Variants in APBA2 observed in about 807,000 individuals in gnomAD.
APBA2 encodes amyloid-beta A4 precursor protein-binding family A member 2.
APBA2 carries 30 observed loss-of-function variants against 75.0 expected under a neutral mutation model. That is an observed-to-expected ratio of 0.40 (90% CI 0.30 to 0.54). The LOEUF is 0.54. Among genes scored for constraint, APBA2 ranks in the 20% least tolerant of loss-of-function variants. The pLI, the probability that APBA2 is intolerant of heterozygous loss-of-function variation, is 0.49. For synonymous variants in APBA2, 444 were observed against 409.6 expected (o/e 1.08, Z -1.01); for missense variants, 801 against 1,016.1 (o/e 0.79, Z 2.88).
intron 4 of APBA2, among the ~76,000 whole-genome samples, chr15:29,073,404 G>A (rs2042711483): frequency 6.6e-6 from 1 of 152,204 alleles, no homozygotes; most frequent in Admixed American, 6.5e-5. Flanking sequence ...AGGCTGGAGT[G>A]CAATGGCGCC....
chr15:29,111,945 G>A (rs1466474374), intron 13 of APBA2, among the ~76,000 whole-genome samples: 3 of 152,146 alleles, frequency 2.0e-5, no homozygotes, highest in African/African-American at 7.2e-5. Flanking sequence ...GATAGGACCC[G>A]CAGTCCCAAG....
intron 4 of APBA2, among the ~76,000 whole-genome samples, chr15:29,058,604 A>G (rs1177928011): frequency 1.3e-5 from 2 of 152,138 alleles, no homozygotes; most frequent in Non-Finnish European, 2.9e-5. Flanking sequence ...GATGCCATGC[A>G]TTTTGAAAAG....
At chr15:29,033,826 G>A (rs1207223629) in intron 3 of APBA2, among the ~76,000 whole-genome samples, 3 of 151,872 alleles carry the variant, frequency 2.0e-5, no homozygotes, top group Admixed American at 6.6e-5. Flanking sequence ...TTAGCCGAGC[G>A]TGGTGGCGGG....
At chr15:29,050,955 C>A (rs1280740022) in intron 3 of APBA2, among the ~76,000 whole-genome samples, 1 of 142,812 alleles carries the variant, frequency 7.0e-6, no homozygotes, top group East Asian at 1.9e-4. Flanking sequence ...CAGTGATGTA[C>A]CATCTGCCCT....
chr15:29,005,619 C>T (rs2039073781), intron 3 of APBA2, among the ~76,000 whole-genome samples: 1 of 152,182 alleles, frequency 6.6e-6, no homozygotes, highest in African/African-American at 2.4e-5. Flanking sequence ...AATTCCAGTG[C>T]TTTGGGAGGC....
intron 13 of APBA2, chr15:29,108,652 T>C (rs953156126): frequency 4.1e-5 from 24 of 579,748 alleles, no homozygotes; most frequent in Non-Finnish European, 6.1e-5. Context: ...ATGGTGGTTG[T>C]CCCCTGCTTT....
intron 4 of APBA2, among the ~76,000 whole-genome samples, chr15:29,060,953 G>T (rs2042105521): frequency 6.6e-6 from 1 of 152,120 alleles, no homozygotes; most frequent in South Asian, 2.1e-4. Context: ...CTGGTACCTG[G>T]CTCAGTCTCA....
intron 1 of APBA2, among the ~76,000 whole-genome samples, chr15:28,910,211 TC>T (rs1566790773): frequency 6.6e-6 from 1 of 152,176 alleles, no homozygotes; most frequent in African/African-American, 2.4e-5. Flanking sequence ...AAGAATTGTC[TC>T]CTTTTTTTAG....
chr15:29,001,878 G>T lies in APBA2; in HGVS notation c.-41+6072G>T, dbSNP rs191005805. ...GTGAGCCCAACATAATTAGTGTGAT[G>T]AAAGAGAAGTTAGCCATTTCTGTAT... is the stretch of plus-strand genomic sequence containing the variant. On this transcript the variant is annotated intron_variant, in intron 3 of 14. Coordinates refer to ENST00000683413, the MANE Select transcript of APBA2 (RefSeq NM_001353788.2). Among the ~76,000 whole-genome samples the T allele has an allele frequency of 2.2e-3, 330 of 152,318 alleles. 1 individual carries two copies. Among genetic ancestry groups the T allele is most frequent in the African/African-American group, 7.7e-3 (319 of 41,560 alleles).
intron 3 of APBA2, among the ~76,000 whole-genome samples, chr15:29,014,292 TC>T (rs1178619208): frequency 1.3e-5 from 2 of 152,220 alleles, no homozygotes; most frequent in African/African-American, 4.8e-5. Flanking sequence ...TATACTCTCT[TC>T]CAGATCTCCC....
At chr15:28,898,286 A>C (rs2032634744) in intron 1 of APBA2, among the ~76,000 whole-genome samples, 1 of 152,226 alleles carries the variant, frequency 6.6e-6, no homozygotes, top group South Asian at 2.1e-4. Flanking sequence ...GACACACAAA[A>C]GTGTCCATAG....
At chr15:28,886,387 C>G (rs974934099) in intron 1 of APBA2, 109 bp downstream of exon 1, 2 of 151,406 alleles carry the variant, frequency 1.3e-5, no homozygotes, top group Admixed American at 1.3e-4. Flanking sequence ...GGTTGCGGCC[C>G]GAGCGCTCCA....
chr15:29,099,614 T>C (rs2152959728), intron 9 of APBA2, among the ~76,000 whole-genome samples: 1 of 152,324 alleles, frequency 6.6e-6, no homozygotes, highest in Non-Finnish European at 1.5e-5. Flanking sequence ...GGAACCATGG[T>C]TGTCAGTTCG....
rs144719678 is a variant in APBA2 at position 29,034,648 on chromosome 15, G to A, written c.-40-19197G>A. Among the ~76,000 whole-genome samples, 788 of 152,334 alleles carry A rather than the reference G, an allele frequency of 5.2e-3. 16 individuals are homozygous for A. In the East Asian group the frequency reaches 0.057, roughly 11 times the overall value. On this transcript the variant is annotated intron_variant, in intron 3 of 14. Transcript: ENST00000683413. The stretch of plus-strand genomic sequence containing the variant: ...GGAACCAATGTCAGTTTTACAGGCT[G>A]CCCTGACTTGCTGGGGCACAGACTG...
chr15:28,951,598 T>C (rs572056953), intron 2 of APBA2, among the ~76,000 whole-genome samples: 158 of 152,212 alleles, frequency 1.0e-3, no homozygotes, highest in African/African-American at 3.7e-3. Flanking sequence ...TATTTTTTTA[T>C]TTTTTGAGAC....
intron 3 of APBA2, among the ~76,000 whole-genome samples, chr15:29,042,994 T>C (rs187267029): frequency 2.6e-5 from 4 of 152,298 alleles, no homozygotes; most frequent in Admixed American, 1.3e-4. Flanking sequence ...AAACATGACA[T>C]GCAGAGGTAG....
chr15:28,946,010 C>T (rs778989289), intron 2 of APBA2, among the ~76,000 whole-genome samples: 1 of 152,150 alleles, frequency 6.6e-6, no homozygotes, highest in Non-Finnish European at 1.5e-5. Flanking sequence ...GGATAACAAG[C>T]CTATTACTGT....
chr15:29,056,631 TC>T (rs2041910552), intron 4 of APBA2, among the ~76,000 whole-genome samples: 1 of 80,848 alleles, frequency 1.2e-5, no homozygotes, highest in Non-Finnish European at 2.1e-5. Flanking sequence ...CCTCCCTCCC[TC>T]CCTCCTCTCT....
At chr15:29,029,124 G>A (rs1021248475) in intron 3 of APBA2, among the ~76,000 whole-genome samples, 8 of 150,766 alleles carry the variant, frequency 5.3e-5, no homozygotes, top group Non-Finnish European at 1.2e-4. Context: ...TTTCTTCTAG[G>A]GTTTTTATAG....
Sources: allele counts gnomAD v4.1 joint callset (sites outside exome capture counted in the v4.1 genomes callset), GRCh38; gene constraint gnomAD v4.1.1; transcripts MANE v1.5; gene names NCBI Gene and HGNC (gene_info 2026-07-23, HGNC 2026-07-21).